Variants in CMBL observed in about 807,000 individuals in gnomAD.
CMBL encodes carboxymethylenebutenolidase homolog (Pseudomonas).
In CMBL, 17 loss-of-function variants were observed where a neutral mutation model predicts 28.7. The ratio of observed to expected loss-of-function variants is 0.59; its 90% confidence interval spans 0.41 to 0.89. The LOEUF is 0.89. CMBL is among the 40% of genes least tolerant of loss of function. The pLI, the probability that CMBL is intolerant of heterozygous loss-of-function variation, is 0.00. For missense variants in CMBL, 310 were observed against 298.5 expected (o/e 1.04, Z -0.28); for synonymous variants, 106 against 101.6 (o/e 1.04, Z -0.26).
At chr5:10,284,910 C>G (rs76642372) in intron 4 of CMBL, among the ~76,000 whole-genome samples, 8,871 of 152,050 alleles carry the variant, frequency 0.058, 359 homozygotes, top group South Asian at 0.12. Context: ...TATTTCATTG[C>G]TGTAGTAACT....
At chr5:10,283,613 T>C (rs1746544545) in intron 4 of CMBL, among the ~76,000 whole-genome samples, 1 of 152,152 alleles carries the variant, frequency 6.6e-6, no homozygotes, top group Non-Finnish European at 1.5e-5. Context: ...ACCTTGTCTC[T>C]ACTAAAAATA....
chr5:10,291,146 C>G (rs1746707259), intron 1 of CMBL, among the ~76,000 whole-genome samples: 1 of 152,144 alleles, frequency 6.6e-6, no homozygotes, highest in South Asian at 2.1e-4. Flanking sequence ...AGGAGCACAC[C>G]CTAACAGTCG....
Position 10,278,871 on chromosome 5 carries a change from G to A in CMBL, c.*1582C>T, listed in dbSNP as rs1198759671. Among the ~76,000 whole-genome samples, 1 of 152,082 alleles carries A rather than the reference G, an allele frequency of 6.6e-6. No homozygotes were observed. Among genetic ancestry groups the A allele is most frequent in the Non-Finnish European group, 1.5e-5 (1 of 68,030 alleles). On this transcript the variant is annotated 3_prime_UTR_variant, in exon 6 of 6. Coordinates refer to ENST00000296658, the MANE Select transcript of CMBL (RefSeq NM_138809.4). ...CTGCGAGAGGGACACCTGGCCACAG[G>A]TTGGACACTCAGGAATCAGGCCGTC... is the stretch of plus-strand genomic sequence containing the variant.
At chr5:10,283,588 G>C (rs548722376) in intron 4 of CMBL, among the ~76,000 whole-genome samples, 1 of 152,268 alleles carries the variant, frequency 6.6e-6, no homozygotes, top group African/African-American at 2.4e-5. Context: ...AGACCAGCCT[G>C]GCCACCCACG....
intron 1 of CMBL, among the ~76,000 whole-genome samples, chr5:10,296,581 G>A (rs1746813998): frequency 6.6e-6 from 1 of 152,208 alleles, no homozygotes; most frequent in Non-Finnish European, 1.5e-5. Context: ...ATCCTTCAGG[G>A]AATAATGGTG....
Position 10,282,278 on chromosome 5 carries a change from C to A in CMBL, c.477G>T (p.Lys159Asn). The change falls in exon 5 of 6, where the codon AAG (lysine) becomes AAT (asparagine). Residue 159 changes from lysine (K) to asparagine (N), a missense_variant. Lys to Asn is a moderately conservative substitution (Grantham distance 94, BLOSUM62 0). Coordinates refer to ENST00000296658, the MANE Select transcript of CMBL (RefSeq NM_138809.4). ...RAGVSVYGIVKDSEDIYNLKN... is the reference protein window; with the variant it reads ...RAGVSVYGIVNDSEDIYNLKN... The stretch of plus-strand genomic sequence containing the variant: ...TTAAATTGTAAATGTCTTCAGAATC[C>A]TTGACAATGCCTGAAAAACAAGCAC... The A allele has an allele frequency of 1.2e-6, 2 of 1,602,500 alleles. No individual in the cohort carries two copies. Among genetic ancestry groups the A allele is most frequent in the Non-Finnish European group, 1.7e-6 (2 of 1,169,254 alleles).
intron 1 of CMBL, among the ~76,000 whole-genome samples, chr5:10,303,889 A>G (rs1746953416): frequency 6.6e-6 from 1 of 152,124 alleles, no homozygotes; most frequent in Non-Finnish European, 1.5e-5. Context: ...CAACCATGAC[A>G]TGGTTCTGGC....
intron 1 of CMBL, chr5:10,307,163 C>G (rs1426252298): frequency 6.6e-6 from 1 of 152,108 alleles, no homozygotes; most frequent in Non-Finnish European, 1.5e-5. Flanking sequence ...GAAAAGCTGT[C>G]GAATGTGGAT....
chr5:10,284,809 C>T (rs1251856474), intron 4 of CMBL, among the ~76,000 whole-genome samples: 1 of 152,102 alleles, frequency 6.6e-6, no homozygotes, highest in Non-Finnish European at 1.5e-5. Flanking sequence ...GCTATATTTC[C>T]TATGTGTCTT....
intron 1 of CMBL, among the ~76,000 whole-genome samples, chr5:10,292,941 C>T (rs1048269020): frequency 4.0e-5 from 6 of 151,882 alleles, no homozygotes; most frequent in African/African-American, 1.5e-4. Flanking sequence ...TCTTTACAAG[C>T]AGATGTGAAC....
At chr5:10,290,154 C>T (rs1164446747) in intron 2 of CMBL, among the ~76,000 whole-genome samples, 4 of 152,206 alleles carry the variant, frequency 2.6e-5, no homozygotes, top group South Asian at 4.1e-4. Context: ...GACACCCTGC[C>T]GTCCAAATGG....
At chr5:10,292,619 T>C (rs1004517581) in intron 1 of CMBL, among the ~76,000 whole-genome samples, 4 of 151,980 alleles carry the variant, frequency 2.6e-5, no homozygotes, top group Non-Finnish European at 5.9e-5. Context: ...GTTCAGGAGC[T>C]CAAGACCAGC....
chr5:10,278,101 A>T lies in CMBL; in HGVS notation c.*2352T>A, dbSNP rs1746426921. Among the ~76,000 whole-genome samples, 1 of 152,176 alleles carries T rather than the reference A, an allele frequency of 6.6e-6. No individual in the cohort carries two copies. The highest frequency in any genetic ancestry group is 2.1e-4 in the South Asian group (1 of 4,828). ...GTAGACCAGCCCTGCTCAGGCTTGGATTCTCTCAACATTAGGCAAAGGGTC... is the reference window on the plus strand; with the variant it reads ...GTAGACCAGCCCTGCTCAGGCTTGGTTTCTCTCAACATTAGGCAAAGGGTC... On this transcript the variant is annotated 3_prime_UTR_variant, in exon 6 of 6. Coordinates refer to ENST00000296658, the MANE Select transcript of CMBL (RefSeq NM_138809.4).
At chr5:10,306,190 C>A (rs539950645) in intron 1 of CMBL, among the ~76,000 whole-genome samples, 3 of 152,122 alleles carry the variant, frequency 2.0e-5, no homozygotes, top group Non-Finnish European at 4.4e-5. Context: ...TGATTTCACG[C>A]CCTAAGGATT....
chr5:10,296,219 AT>A (rs1293445603), intron 1 of CMBL, among the ~76,000 whole-genome samples: 7 of 152,188 alleles, frequency 4.6e-5, no homozygotes, highest in African/African-American at 1.7e-4. Context: ...ATGGTTTAGG[AT>A]TTGCTAACTC....
Position 10,290,737 on chromosome 5 carries a change from G to T in CMBL, c.26C>A (p.Pro9Gln), listed in dbSNP as rs762358334. 4.3e-6 allele frequency: 7 copies of T among 1,614,184 alleles called. No individual in the cohort carries two copies. MANEAYPC[P>Q]CDIGHRLEYG... ...CTCAAGTCTGTGGCCAATGTCACACGGACAAGGATAAGCTTCGTTAGCCAT... is the reference window on the plus strand; with the variant it reads ...CTCAAGTCTGTGGCCAATGTCACACTGACAAGGATAAGCTTCGTTAGCCAT... Residue 9 changes from proline (P) to glutamine (Q), a missense_variant, in exon 2 of 6, where the codon CCG becomes CAG. Pro to Gln is a moderately conservative substitution (Grantham distance 76, BLOSUM62 -1). Coordinates refer to ENST00000296658, the MANE Select transcript of CMBL (RefSeq NM_138809.4).
intron 1 of CMBL, among the ~76,000 whole-genome samples, chr5:10,306,235 G>A (rs897966284): frequency 5.3e-5 from 8 of 152,258 alleles, no homozygotes; most frequent in African/African-American, 1.2e-4. Flanking sequence ...CAGGCACAAC[G>A]CAGTTCTCCA....
chr5:10,300,267 GC>G (rs150434784), intron 1 of CMBL, among the ~76,000 whole-genome samples: 6,670 of 152,146 alleles, frequency 0.044, 240 homozygotes, highest in South Asian at 0.14. Flanking sequence ...AGGATTGCTG[GC>G]CCCCCACCAG....
rs759387749 is a variant in CMBL, at chr5:10,280,423, T to C, written c.*30A>G. ...TCCAAGCAAATTTTGGGATGAAAGCTATTCTAGGAAGGCTTGCCCTTGATT... is the reference window on the plus strand; with the variant it reads ...TCCAAGCAAATTTTGGGATGAAAGCCATTCTAGGAAGGCTTGCCCTTGATT... On this transcript the variant is annotated 3_prime_UTR_variant, in exon 6 of 6. Transcript: ENST00000296658. 6.0e-5 allele frequency: 91 copies of C among 1,511,694 alleles called. No homozygotes were observed. The highest frequency in any genetic ancestry group is 7.6e-5 in the Non-Finnish European group (85 of 1,116,516). The allele number at this position is 1,511,694 out of a possible 1,614,324, so 93.6% of individuals were successfully genotyped here.
Sources: allele counts gnomAD v4.1 joint callset (sites outside exome capture counted in the v4.1 genomes callset), GRCh38; gene constraint gnomAD v4.1.1; transcripts MANE v1.5; gene names NCBI Gene and HGNC (gene_info 2026-07-23, HGNC 2026-07-21).